Variants in RELN observed in about 807,000 individuals in gnomAD.
RELN encodes reelin.
RELN carries 108 observed loss-of-function variants against 427.6 expected under a neutral mutation model. The observed-to-expected ratio is 0.25, with a 90% CI of 0.22 to 0.30. The LOEUF (loss-of-function observed/expected upper bound fraction) is 0.30. RELN is among the 10% of genes least tolerant of loss of function. The pLI is 1.00. For synonymous variants in RELN, 1,524 were observed against 1,513.4 expected, an observed-to-expected ratio of 1.01 and a Z score of -0.16; for missense variants, 3,715 against 4,302.8, an observed-to-expected ratio of 0.86 and a Z score of 3.82.
At chr7:103,958,183 TC>T (rs1248378706) in intron 1 of RELN, among the ~76,000 whole-genome samples, 1 of 152,082 alleles carries the variant, frequency 6.6e-6, no homozygotes, top group Non-Finnish European at 1.5e-5. Context: ...TAATGAATAA[TC>T]CCCTCCCCTG....
chr7:103,793,108 C>T (rs1405704640), intron 3 of RELN, among the ~76,000 whole-genome samples: 1 of 152,108 alleles, frequency 6.6e-6, no homozygotes, highest in Admixed American at 6.5e-5. Flanking sequence ...AGTTGAATTT[C>T]TATATATTAC....
chr7:103,776,512 T>C lies in RELN; in HGVS notation c.544+45A>G, dbSNP rs765137526. 4.4e-6 allele frequency: 7 copies of C among 1,589,536 alleles called. No individual in the cohort carries two copies. In the Admixed American group the frequency reaches 6.7e-5, roughly 15 times the overall value. On this transcript the variant is annotated intron_variant, in intron 4 of 64. Transcript: ENST00000428762. ...GGTACATAGAACACAGGACCTACCA[T>C]GAATAGTTTGGACATAACACAAACA...
At chr7:103,825,877 A>ATG (rs1793125934) in intron 3 of RELN, among the ~76,000 whole-genome samples, 1 of 151,954 alleles carries the variant, frequency 6.6e-6, no homozygotes, top group Non-Finnish European at 1.5e-5. Context: ...GAATGTGTGT[A>ATG]TGTGTGTGTG....
intron 3 of RELN, among the ~76,000 whole-genome samples, chr7:103,809,660 C>T (rs1429268759): frequency 6.6e-6 from 1 of 152,156 alleles, no homozygotes; most frequent in African/African-American, 2.4e-5. Flanking sequence ...CAGTCTTTGA[C>T]CCGTCTGGGC....
At chr7:103,798,615 T>C (rs867066667) in intron 3 of RELN, among the ~76,000 whole-genome samples, 1 of 152,162 alleles carries the variant, frequency 6.6e-6, no homozygotes, top group African/African-American at 2.4e-5. Flanking sequence ...TGAGCACCCA[T>C]GTTGTTCTCT....
In RELN at chr7:103,582,715, A is replaced by T. The variant is rs139084617; in HGVS notation, c.4145+6881T>A. On this transcript the variant is annotated intron_variant, in intron 28 of 64. Coordinates refer to ENST00000428762, the MANE Select transcript of RELN (RefSeq NM_005045.4). ...TATCTTGCCAGATGATGCAAAGTAA[A>T]CTGGTGATAAATTAGGTGAAAGATG... Among the ~76,000 whole-genome samples, 26 of 152,298 alleles carry T rather than the reference A, an allele frequency of 1.7e-4. No individual in the cohort carries two copies. The East Asian group carries it at 4.8e-3, about 28-fold the overall frequency.
rs946390770 is a variant in RELN, at chr7:103,572,229, T to C, written c.4543A>G (p.Lys1515Glu). 6.3e-7 allele frequency: 1 copy of C among 1,594,118 alleles called. No homozygotes were observed. The highest frequency in any genetic ancestry group is 1.3e-5 in the African/African-American group (1 of 74,622). Residue 1515 changes from lysine to glutamate, a missense_variant, in exon 31 of 65, where the codon AAA becomes GAA. Coordinates refer to ENST00000428762, the MANE Select transcript of RELN (RefSeq NM_005045.4). ...TTGATGCAGGTAATGCCTGAAGTTT[T>C]GCTTCCAATTTGTATATAAAATTGA... ...LVQFYIQIGS[K>E]TSGITCIKPR...
At chr7:103,609,436 C>G (rs2117285838) in intron 22 of RELN, among the ~76,000 whole-genome samples, 1 of 152,074 alleles carries the variant, frequency 6.6e-6, no homozygotes, top group South Asian at 2.1e-4. Flanking sequence ...CTTGGAATAC[C>G]ATTGAAATTA....
chr7:103,597,840 G>T (rs362671), intron 24 of RELN, among the ~76,000 whole-genome samples: 13 of 152,170 alleles, frequency 8.5e-5, no homozygotes, highest in East Asian at 5.8e-4. Context: ...AATTAACAAG[G>T]TTTGTCATTG....
chr7:103,848,253 AAC>A (rs1010423615), intron 2 of RELN, among the ~76,000 whole-genome samples: 2 of 152,226 alleles, frequency 1.3e-5, no homozygotes, highest in Non-Finnish European at 2.9e-5. Context: ...GAGCAGGAGA[AAC>A]ACAGCACTGA....
intron 5 of RELN, among the ~76,000 whole-genome samples, chr7:103,751,125 G>C (rs1790988246): frequency 6.6e-6 from 1 of 152,140 alleles, no homozygotes; most frequent in South Asian, 2.1e-4. Flanking sequence ...GTTTGCTTAG[G>C]AAGTTTGTTC....
chr7:103,634,080 C>A (rs1167340334), intron 19 of RELN, among the ~76,000 whole-genome samples: 5 of 152,088 alleles, frequency 3.3e-5, no homozygotes, highest in Admixed American at 3.3e-4. Context: ...TAAAAGTTCT[C>A]ATCTATTTGC....
intron 20 of RELN, among the ~76,000 whole-genome samples, chr7:103,621,033 G>C (rs889355734): frequency 6.6e-6 from 1 of 152,122 alleles, no homozygotes; most frequent in African/African-American, 2.4e-5. Flanking sequence ...GCCTTATTTA[G>C]AGCATACTCA....
chr7:103,682,370 C>T (rs1833673314), intron 10 of RELN, 109 bp from the exon 11 acceptor site: 11 of 1,074,912 alleles, frequency 1.0e-5, no homozygotes, highest in Admixed American at 3.5e-5. Flanking sequence ...ATTAGCTCCT[C>T]TATGATGGAC....
chr7:103,973,395 T>G (rs1796804407), intron 1 of RELN, among the ~76,000 whole-genome samples: 1 of 152,166 alleles, frequency 6.6e-6, no homozygotes, highest in Non-Finnish European at 1.5e-5. Context: ...AATATTTATG[T>G]AAATATTTAC....
chr7:103,730,532 T>C (rs918473123), intron 6 of RELN, among the ~76,000 whole-genome samples: 15 of 152,022 alleles, frequency 9.9e-5, no homozygotes, highest in Non-Finnish European at 1.8e-4. Context: ...CAGATAAAGC[T>C]ATTCTTCCCA....
At chr7:103,978,719 A>T (rs547470811) in intron 1 of RELN, among the ~76,000 whole-genome samples, 2 of 152,384 alleles carry the variant, frequency 1.3e-5, no homozygotes, top group South Asian at 4.1e-4. Context: ...AGTGATACCA[A>T]TTCTGAACTC....
At chr7:103,619,999 T>C (rs1163400199) in intron 20 of RELN, among the ~76,000 whole-genome samples, 1 of 152,184 alleles carries the variant, frequency 6.6e-6, no homozygotes, top group African/African-American at 2.4e-5. Context: ...TTCTGTCCAC[T>C]ACTTTTGATA....
At chr7:103,597,593 ACT>A (rs1394853438) in intron 24 of RELN, among the ~76,000 whole-genome samples, 2 of 152,026 alleles carry the variant, frequency 1.3e-5, no homozygotes, top group African/African-American at 2.4e-5. Context: ...CAAGAGTGAG[ACT>A]CTGTCTCAAA....
Sources: allele counts gnomAD v4.1 joint callset (sites outside exome capture counted in the v4.1 genomes callset), GRCh38; gene constraint gnomAD v4.1.1; transcripts MANE v1.5; gene names NCBI Gene and HGNC (gene_info 2026-07-23, HGNC 2026-07-21).